Variants in PTPRD observed in about 807,000 individuals in gnomAD.
The protein encoded by PTPRD is receptor-type tyrosine-protein phosphatase delta.
In PTPRD, 34 loss-of-function variants were observed where a neutral mutation model predicts 214.5. The ratio of observed to expected loss-of-function variants is 0.16; its 90% CI spans 0.12 to 0.21. The LOEUF (loss-of-function observed/expected upper bound fraction) is 0.21, where lower values mean the gene tolerates loss of function less well. PTPRD is among the 10% of genes least tolerant of loss of function. The pLI, the probability that PTPRD is intolerant of heterozygous loss-of-function variation, is 1.00. For missense variants in PTPRD, 2,545 were observed against 2,398.7 expected, an observed-to-expected ratio of 1.06 and a Z score of -1.27; for synonymous variants, 1,128 against 845.7, an observed-to-expected ratio of 1.33 and a Z score of -5.79.
chr9:8,500,583 A>AAAAAG (rs2097377724), intron 24 of PTPRD, among the ~76,000 whole-genome samples, 171 bp downstream of exon 24: 16 of 146,428 alleles, frequency 1.1e-4, no homozygotes, highest in African/African-American at 3.6e-4. Context: ...AAAAAAAAAA[A>AAAAAG]AAAAAAAGGC....
chr9:9,016,289 T>C (rs991473851), intron 11 of PTPRD, among the ~76,000 whole-genome samples: 2 of 152,180 alleles, frequency 1.3e-5, no homozygotes, highest in African/African-American at 4.8e-5. Flanking sequence ...AAATACTACA[T>C]TTCACTGAGG....
chr9:8,402,691 C>CAAA (rs35921932), intron 36 of PTPRD, among the ~76,000 whole-genome samples: 1 of 151,764 alleles, frequency 6.6e-6, no homozygotes, highest in African/African-American at 2.4e-5. Flanking sequence ...AGACCCCCCA[C>CAAA]AAAAAAACCT....
At chr9:9,655,309 C>T (rs942386136) in intron 7 of PTPRD, among the ~76,000 whole-genome samples, 16 of 152,140 alleles carry the variant, frequency 1.1e-4, no homozygotes, top group African/African-American at 3.6e-4. Context: ...ATGGCTCATG[C>T]CTGTAATCCC....
intron 12 of PTPRD, among the ~76,000 whole-genome samples, chr9:8,708,881 C>T (rs1266831078): frequency 1.3e-5 from 2 of 151,886 alleles, no homozygotes; most frequent in African/African-American, 4.8e-5. Context: ...AAGAAAACGT[C>T]CTATTATGTA....
At chr9:9,892,234 G>A (rs2073578478) in intron 5 of PTPRD, among the ~76,000 whole-genome samples, 1 of 152,040 alleles carries the variant, frequency 6.6e-6, no homozygotes, top group African/African-American at 2.4e-5. Flanking sequence ...AAGGAGGAAA[G>A]GAATGGATAT....
chr9:8,954,232 C>T (rs1047474664), intron 11 of PTPRD, among the ~76,000 whole-genome samples: 1 of 151,914 alleles, frequency 6.6e-6, no homozygotes, highest in Non-Finnish European at 1.5e-5. Context: ...CCTAAGTGAA[C>T]TAAAGCAGAA....
intron 5 of PTPRD, among the ~76,000 whole-genome samples, chr9:9,893,399 A>G (rs1228915867): frequency 6.6e-6 from 1 of 152,130 alleles, no homozygotes; most frequent in Non-Finnish European, 1.5e-5. Flanking sequence ...ACATGCAATG[A>G]CACACATAGA....
At chr9:10,363,999 T>TTTTTTTG (rs1565556843) in intron 2 of PTPRD, among the ~76,000 whole-genome samples, 281 of 7,916 alleles carry the variant, frequency 0.035, 23 homozygotes, top group African/African-American at 0.093. Flanking sequence ...GGGTTTTTTT[T>TTTTTTTG]TTTTTTTTTT....
chr9:10,072,598 T>C (rs1246986142), intron 3 of PTPRD, among the ~76,000 whole-genome samples: 1 of 152,118 alleles, frequency 6.6e-6, no homozygotes, highest in Non-Finnish European at 1.5e-5. Context: ...CCATGTTCCA[T>C]TTTTGTCCTA....
At position 8,662,636 on chromosome 9, in the gene PTPRD, G is replaced by C. The variant is rs191673000; in HGVS notation, c.65-25792C>G. Among the ~76,000 whole-genome samples, 93 of 152,176 alleles carry C rather than the reference G, an allele frequency of 6.1e-4. 1 individual carries two copies. Among genetic ancestry groups the C allele is most frequent in the Non-Finnish European group, 2.9e-4 (20 of 68,004 alleles). On this transcript the variant is annotated intron_variant, in intron 12 of 45. Transcript: ENST00000381196. ...CACTTCCTACTTGTTCATCCCAGTA[G>C]CATAGACTCACCAATTCACCATAGG...
At chr9:9,678,679 T>C (rs1338956907) in intron 7 of PTPRD, among the ~76,000 whole-genome samples, 3 of 151,542 alleles carry the variant, frequency 2.0e-5, no homozygotes, top group Non-Finnish European at 4.4e-5. Flanking sequence ...AAAGACCTTA[T>C]AGAACAATTA....
intron 8 of PTPRD, among the ~76,000 whole-genome samples, chr9:9,572,177 G>A (rs1358277000): frequency 6.6e-6 from 1 of 151,360 alleles, no homozygotes; most frequent in African/African-American, 2.4e-5. Flanking sequence ...ATTCAGTGGT[G>A]CTCTGGTAAA....
intron 2 of PTPRD, among the ~76,000 whole-genome samples, chr9:10,520,203 G>A (rs1243901994): frequency 6.6e-6 from 1 of 152,144 alleles, no homozygotes; most frequent in Non-Finnish European, 1.5e-5. Flanking sequence ...TGAAGCAAAA[G>A]TGCTACTCCA....
At chr9:10,087,724 A>C (rs1360045213) in intron 3 of PTPRD, among the ~76,000 whole-genome samples, 1 of 151,750 alleles carries the variant, frequency 6.6e-6, no homozygotes, top group Non-Finnish European at 1.5e-5. Flanking sequence ...ATACTAATAG[A>C]ATATGAGTGC....
chr9:9,540,555 G>C (rs1326769), intron 8 of PTPRD, among the ~76,000 whole-genome samples: 75,066 of 151,604 alleles, frequency 0.5, 19,406 homozygotes, highest in East Asian at 0.77. Context: ...GGGACATTTA[G>C]ACAGAAGTTG....
rs149375417 is a variant in PTPRD, at chr9:9,917,873, C to T, written c.-368+20634G>A. On this transcript the variant is annotated intron_variant, in intron 5 of 45. Coordinates refer to ENST00000381196, the MANE Select transcript of PTPRD (RefSeq NM_002839.4). ...AATACATACATTTGACACTAACATC[C>T]TTTAATGATTTAAACTCTAAATTAA... Among the ~76,000 whole-genome samples, 1,189 of 152,000 alleles carry T rather than the reference C, an allele frequency of 7.8e-3. 8 individuals carry two copies. The highest frequency in any genetic ancestry group is 0.027 in the African/African-American group (1,116 of 41,502).
chr9:10,051,614 C>A (rs535232015), intron 3 of PTPRD, among the ~76,000 whole-genome samples: 24 of 151,850 alleles, frequency 1.6e-4, no homozygotes, highest in African/African-American at 5.8e-4. Context: ...CCCCACCCCA[C>A]AACAGTCCCC....
chr9:10,030,489 C>T (rs2097038299), intron 4 of PTPRD, among the ~76,000 whole-genome samples: 1 of 151,892 alleles, frequency 6.6e-6, no homozygotes, highest in South Asian at 2.1e-4. Context: ...TAGAAATGAC[C>T]CTTGAAGCTA....
chr9:8,945,473 T>C (rs2099058210), intron 11 of PTPRD, among the ~76,000 whole-genome samples: 2 of 152,218 alleles, frequency 1.3e-5, no homozygotes, highest in African/African-American at 4.8e-5. Context: ...TTTATTACTT[T>C]GCACCTGGCT....
Sources: gnomAD v4.1 joint callset for allele counts (sites outside exome capture counted in the v4.1 genomes callset) on GRCh38, gnomAD v4.1.1 for gene constraint, MANE v1.5 for transcripts, NCBI Gene and HGNC (gene_info 2026-07-23, HGNC 2026-07-21) for gene names.